The following RAC1 variants were observed in gnomAD, a reference collection of about 807,000 sequenced individuals.
RAC1 encodes the protein Rac family small GTPase 1.
Under a neutral mutation model 25.2 loss-of-function variants are expected in RAC1, and 2 were observed. The ratio of observed to expected loss-of-function variants is 0.08; its 90% CI spans 0.03 to 0.25. The LOEUF (loss-of-function observed/expected upper bound fraction) is 0.25. Ranked by LOEUF, RAC1 falls within the 10% of genes least tolerant of loss-of-function variation. The probability of loss-of-function intolerance (pLI) is 1.00; values close to 1 mark genes in which losing one functional copy is unlikely to be tolerated. For synonymous variants in RAC1, 88 were observed against 94.0 expected, an observed-to-expected ratio of 0.94 and a Z score of 0.37; for missense variants, 50 against 235.7, an observed-to-expected ratio of 0.21 and a Z score of 5.16.
intron 1 of RAC1, among the ~76,000 whole-genome samples, chr7:6,384,040 C>G (rs1782853911): frequency 6.6e-6 from 1 of 151,892 alleles, no homozygotes; most frequent in Non-Finnish European, 1.5e-5. Flanking sequence ...GGTGATCCGC[C>G]CGCCTTGGCC....
chr7:6,400,428 C>G (rs1418246823), intron 4 of RAC1, among the ~76,000 whole-genome samples: 1 of 151,738 alleles, frequency 6.6e-6, no homozygotes, highest in East Asian at 1.9e-4. Context: ...CTCCTGGGCT[C>G]AAACAGTTCT....
At chr7:6,391,665 A>G (rs6950333) in intron 2 of RAC1, 30,768 of 461,388 alleles carry the variant, frequency 0.067, 1,713 homozygotes, top group African/African-American at 0.2. Flanking sequence ...AAATGTTTTT[A>G]TTTCTGACGG....
At chr7:6,380,099 AT>A (rs1396381232) in intron 1 of RAC1, among the ~76,000 whole-genome samples, 1 of 152,234 alleles carries the variant, frequency 6.6e-6, no homozygotes, top group African/African-American at 2.4e-5. Flanking sequence ...AATGTGAAAA[AT>A]GCCTTCCGTG....
At chr7:6,376,014 T>C (rs1002752700) in intron 1 of RAC1, 13 of 148,086 alleles carry the variant, frequency 8.8e-5, no homozygotes, top group African/African-American at 3.3e-4. Flanking sequence ...GGCATCACGG[T>C]TAACTGGATT....
At chr7:6,396,753 T>G (rs1334681709) in intron 3 of RAC1, among the ~76,000 whole-genome samples, 3 of 152,172 alleles carry the variant, frequency 2.0e-5, no homozygotes, top group Non-Finnish European at 4.4e-5. Flanking sequence ...TTGAGTGGCC[T>G]GGCACGGTGG....
Position 6,402,415 on chromosome 7 carries a change from A to G in RAC1, c.548A>G (p.Lys183Arg), listed in dbSNP as rs764523601. 6.2e-7 allele frequency: 1 copy of G among 1,601,400 alleles called. No homozygotes were observed. The highest frequency in any genetic ancestry group is 2.3e-5 in the East Asian group (1 of 43,848). The change falls in exon 6 of 6, where the codon AAG becomes AGG. Residue 183 changes from lysine (K) to arginine (R), a missense_variant. Lys to Arg is a conservative substitution (Grantham distance 26). Transcript: ENST00000348035. ...GCAGTCCTCTGCCCGCCTCCCGTGA[A>G]GAAGAGGAAGAGAAAATGCCTGCTG... ...IRAVLCPPPV[K>R]KRKRKCLLL
chr7:6,376,270 C>T (rs1019916915), intron 1 of RAC1, among the ~76,000 whole-genome samples: 1 of 148,018 alleles, frequency 6.8e-6, no homozygotes. Flanking sequence ...ACAACCTCCG[C>T]CTCCCAGGTT....
chr7:6,378,099 C>G (rs1419819787), intron 1 of RAC1, among the ~76,000 whole-genome samples: 1 of 152,152 alleles, frequency 6.6e-6, no homozygotes, highest in East Asian at 1.9e-4. Flanking sequence ...CTTATCATTT[C>G]TAGAATTGGA....
At chr7:6,383,705 A>C (rs888337829) in intron 1 of RAC1, among the ~76,000 whole-genome samples, 26 of 151,034 alleles carry the variant, frequency 1.7e-4, no homozygotes, top group African/African-American at 6.3e-4. Context: ...ACATTTTATC[A>C]TAACAGTCAA....
intron 1 of RAC1, among the ~76,000 whole-genome samples, chr7:6,379,338 G>A (rs562590689): frequency 7.1e-6 from 1 of 140,682 alleles, no homozygotes; most frequent in African/African-American, 2.7e-5. Context: ...GCAGTGGTGC[G>A]ATCTCGGCTC....
chr7:6,386,642 G>C (rs35589149), intron 1 of RAC1, among the ~76,000 whole-genome samples: 21,834 of 151,716 alleles, frequency 0.14, 1,791 homozygotes, highest in Admixed American at 0.22. Context: ...AAATTATCCA[G>C]GCGTGGTGGT....
At chr7:6,397,417 C>G (rs1007909201) in intron 3 of RAC1, among the ~76,000 whole-genome samples, 2 of 151,684 alleles carry the variant, frequency 1.3e-5, no homozygotes, top group South Asian at 4.2e-4. Context: ...CCTCAGCCTC[C>G]CGAGTAGCTG....
intron 1 of RAC1, among the ~76,000 whole-genome samples, chr7:6,383,592 G>C (rs1008982907): frequency 3.3e-5 from 5 of 151,980 alleles, no homozygotes; most frequent in African/African-American, 1.2e-4. Flanking sequence ...TTCAGGAAAG[G>C]AAGTTTAGAG....
At chr7:6,385,416 C>T (rs1184106891) in intron 1 of RAC1, among the ~76,000 whole-genome samples, 3 of 152,112 alleles carry the variant, frequency 2.0e-5, no homozygotes, top group African/African-American at 4.8e-5. Context: ...GAAGTTGAAA[C>T]TTGCCAAAAA....
rs1782867095 is a variant in RAC1 at position 6,384,529 on chromosome 7, G to C, written c.36-2683G>C. On this transcript the variant is annotated intron_variant, in intron 1 of 5. Coordinates refer to ENST00000348035, the MANE Select transcript of RAC1 (RefSeq NM_006908.5). ...GATCGTGCTTTGTCACCTAGGCTGG[G>C]TGGAGTGGTGTGATCACAGCTCACT... Among the ~76,000 whole-genome samples, 3 of 152,174 alleles carry C rather than the reference G, an allele frequency of 2.0e-5. No individual in the cohort carries two copies. The South Asian group carries it at 6.2e-4, about 32-fold the overall frequency.
At chr7:6,398,695 CG>C in intron 3 of RAC1, 28 of 1,613,622 alleles carry the variant, frequency 1.7e-5, no homozygotes, top group Non-Finnish European at 2.3e-5. Flanking sequence ...TATAACCTCC[CG>C]GGGCAAAGAC....
At chr7:6,376,225 C>G (rs1418265714) in intron 1 of RAC1, among the ~76,000 whole-genome samples, 3 of 125,522 alleles carry the variant, frequency 2.4e-5, no homozygotes, top group East Asian at 2.9e-4. Context: ...CTCTGTTGCC[C>G]AGGCTGGAGT....
At chr7:6,382,702 A>G (rs892398907) in intron 1 of RAC1, among the ~76,000 whole-genome samples, 2 of 152,188 alleles carry the variant, frequency 1.3e-5, no homozygotes, top group South Asian at 2.1e-4. Context: ...GTCTCTACTG[A>G]AAATACAACA....
intron 1 of RAC1, among the ~76,000 whole-genome samples, chr7:6,383,390 G>A (rs369944283): frequency 2.0e-5 from 3 of 151,810 alleles, no homozygotes; most frequent in South Asian, 4.2e-4. Flanking sequence ...AAGAGGAGTC[G>A]ATTTTATCTT....
Sources: gnomAD v4.1 joint callset for allele counts (sites outside exome capture counted in the v4.1 genomes callset) on GRCh38, gnomAD v4.1.1 for gene constraint, MANE v1.5 for transcripts, NCBI Gene and HGNC (gene_info 2026-07-23, HGNC 2026-07-21) for gene names.